The following FLVCR2 variants were observed in gnomAD, a reference collection of about 807,000 sequenced individuals.
FLVCR2 encodes the protein FLVCR choline and putative heme transporter 2.
FLVCR2 carries 38 observed loss-of-function variants against 48.9 expected under a neutral mutation model. That is an observed-to-expected ratio of 0.78 (90% CI 0.60 to 1.02). The LOEUF is 1.02. Ranked by LOEUF, FLVCR2 falls within the 50% of genes least tolerant of loss-of-function variation. The pLI, the probability that FLVCR2 is intolerant of heterozygous loss-of-function variation, is 0.00. For missense variants in FLVCR2, 664 were observed against 663.3 expected, an observed-to-expected ratio of 1.00 and a Z score of -0.01; for synonymous variants, 255 against 257.0, an observed-to-expected ratio of 0.99 and a Z score of 0.07.
chr14:75,582,913 T>C (rs1385545939), intron 1 of FLVCR2, among the ~76,000 whole-genome samples: 1 of 152,052 alleles, frequency 6.6e-6, no homozygotes, highest in African/African-American at 2.4e-5. Flanking sequence ...TTTGGGAGAT[T>C]AGCTGGACAC....
chr14:75,644,494 CTT>C (rs1299893188), intron 9 of FLVCR2, among the ~76,000 whole-genome samples: 6 of 152,280 alleles, frequency 3.9e-5, no homozygotes, highest in Non-Finnish European at 7.3e-5. Context: ...GGCTCAGTCT[CTT>C]TTGAGTGTGG....
chr14:75,605,775 T>C, intron 1 of FLVCR2: 1 of 746,102 alleles, frequency 1.3e-6, no homozygotes, highest in Non-Finnish European at 2.3e-6. Flanking sequence ...AGGAGGCTGC[T>C]TTTGATTGCA....
Position 75,578,652 on chromosome 14 carries a change from G to A in FLVCR2, c.-321G>A. On this transcript the variant is annotated 5_prime_UTR_variant, in exon 1 of 10. Coordinates refer to ENST00000238667, the MANE Select transcript of FLVCR2 (RefSeq NM_017791.3). ...TCTGCGGGCGAAGTGGCTGCGCAAG[G>A]AGAGAACTTTTCCTGCACAAGGAAC... 4 of 447,170 alleles carry A rather than the reference G, an allele frequency of 8.9e-6. No individual in the cohort carries two copies. The highest frequency in any genetic ancestry group is 6.7e-5 in the South Asian group (3 of 44,906). 27.7% of individuals were successfully genotyped at this position (447,170 alleles called of 1,614,324 possible). A position where few individuals can be genotyped will look rare whatever the true frequency, so the allele number is the denominator to read the frequency against.
chr14:75,629,953 C>T (rs1299500608), intron 3 of FLVCR2, among the ~76,000 whole-genome samples: 4 of 152,286 alleles, frequency 2.6e-5, no homozygotes, highest in Middle Eastern at 3.4e-3. Flanking sequence ...GGGCTTCATG[C>T]CCCCTCTAAA....
At chr14:75,581,884 A>G (rs886152029) in intron 1 of FLVCR2, among the ~76,000 whole-genome samples, 1 of 152,190 alleles carries the variant, frequency 6.6e-6, no homozygotes, top group African/African-American at 2.4e-5. Flanking sequence ...AGGTTCTAAG[A>G]GGCGGGAACC....
At chr14:75,606,935 C>A (rs902885565) in intron 1 of FLVCR2, among the ~76,000 whole-genome samples, 1 of 151,700 alleles carries the variant, frequency 6.6e-6, no homozygotes. Context: ...CAGAGTGAGA[C>A]CCTGTCTTAA....
intron 1 of FLVCR2, among the ~76,000 whole-genome samples, chr14:75,584,161 T>A (rs1252569599): frequency 6.6e-6 from 1 of 152,240 alleles, no homozygotes; most frequent in Non-Finnish European, 1.5e-5. Flanking sequence ...AAGGATGTTT[T>A]GAAGGTGCCC....
chr14:75,624,214 T>A (rs1295404529), intron 2 of FLVCR2, among the ~76,000 whole-genome samples: 1 of 151,566 alleles, frequency 6.6e-6, no homozygotes. Context: ...ATACAAAAAA[T>A]TAGCCAGGTG....
At chr14:75,643,835 C>G (rs769607006) in intron 9 of FLVCR2, among the ~76,000 whole-genome samples, 23 of 152,184 alleles carry the variant, frequency 1.5e-4, no homozygotes, top group Non-Finnish European at 2.8e-4. Context: ...AATCCCAGTA[C>G]TTTGGGAGGC....
intron 1 of FLVCR2, among the ~76,000 whole-genome samples, chr14:75,603,010 T>C (rs1023850468): frequency 1.3e-5 from 2 of 152,198 alleles, no homozygotes; most frequent in Non-Finnish European, 2.9e-5. Flanking sequence ...GCCTTTGTTT[T>C]CTGGTGGTTC....
In FLVCR2 at chr14:75,579,149, CCAACCCAGTGGCTTGGCT is replaced by C. The variant is rs745482622; in HGVS notation, c.180_197del (p.Gln60_Ala65del). 73 of 1,614,204 alleles carry C rather than the reference CCAACCCAGTGGCTTGGCT, an allele frequency of 4.5e-5. No homozygotes were observed. The East Asian group carries it at 1.5e-3, about 33-fold the overall frequency. The stretch of plus-strand genomic sequence containing the variant: ...GTTCGGCCCACCCCAGTGCCTTAGC[CCAACCCAGTGGCTTGGCT>C]CACCCCAGTAGCTCGGGCCCTGAGG... On this transcript the variant is annotated inframe_deletion, in exon 1 of 10. Transcript: ENST00000238667.
chr14:75,622,320 T>C, intron 2 of FLVCR2, 100 bp downstream of exon 2: 2 of 1,200,794 alleles, frequency 1.7e-6, no homozygotes, highest in South Asian at 2.4e-5. Context: ...TGAAATACCA[T>C]GGATATTTAC....
At chr14:75,585,609 TC>T (rs1439904760) in intron 1 of FLVCR2, among the ~76,000 whole-genome samples, 1 of 151,926 alleles carries the variant, frequency 6.6e-6, no homozygotes, top group African/African-American at 2.4e-5. Context: ...AAAGCAGGTG[TC>T]CCCGCAATTG....
rs190812165 is a variant in FLVCR2, at chr14:75,624,142, G to A, written c.812-470G>A. 6.8e-4 allele frequency among the ~76,000 whole-genome samples: 103 copies of A among 152,094 alleles called. 2 individuals are homozygous for A. Among genetic ancestry groups the A allele is most frequent in the East Asian group, 7.8e-4 (4 of 5,144 alleles). On this transcript the variant is annotated intron_variant, in intron 2 of 9. Coordinates refer to ENST00000238667, the MANE Select transcript of FLVCR2 (RefSeq NM_017791.3). ...TATGGGGGGCTGAGGCATGCAAATC[G>A]CTTGAGCTCAGAAGTTTGAGACCAG... is the stretch of plus-strand genomic sequence containing the variant.
chr14:75,615,234 G>A (rs914109977), intron 1 of FLVCR2, among the ~76,000 whole-genome samples: 5 of 152,208 alleles, frequency 3.3e-5, no homozygotes, highest in Admixed American at 1.3e-4. Context: ...GTGGGACAGG[G>A]CAGATTCAAA....
chr14:75,636,191 C>A (rs1251047799), intron 5 of FLVCR2, among the ~76,000 whole-genome samples: 1 of 152,174 alleles, frequency 6.6e-6, no homozygotes, highest in Non-Finnish European at 1.5e-5. Flanking sequence ...CCAGTGTCTG[C>A]AGGCAACAGA....
chr14:75,601,961 A>G (rs10220480), intron 1 of FLVCR2, among the ~76,000 whole-genome samples: 2,562 of 152,340 alleles, frequency 0.017, 80 homozygotes, highest in African/African-American at 0.058. Flanking sequence ...ATTTGCTATA[A>G]CAACTCACAG....
intron 1 of FLVCR2, among the ~76,000 whole-genome samples, chr14:75,617,506 G>A (rs940987467): frequency 1.3e-5 from 2 of 152,190 alleles, no homozygotes; most frequent in African/African-American, 4.8e-5. Flanking sequence ...AACTATAGTT[G>A]TAAAGCTTAC....
At chr14:75,592,906 G>A (rs1888921432) in intron 1 of FLVCR2, among the ~76,000 whole-genome samples, 1 of 152,208 alleles carries the variant, frequency 6.6e-6, no homozygotes, top group Admixed American at 6.5e-5. Context: ...AAGCCCTAAG[G>A]CATGGACACA....
Sources: allele counts gnomAD v4.1 joint callset (sites outside exome capture counted in the v4.1 genomes callset), GRCh38; gene constraint gnomAD v4.1.1; transcripts MANE v1.5; gene names NCBI Gene and HGNC (gene_info 2026-07-23, HGNC 2026-07-21).